APP: variants seen among roughly 807,000 people sequenced by gnomAD.
The protein encoded by APP is amyloid beta precursor protein.
Under a neutral mutation model 101.4 loss-of-function variants are expected in APP, and 31 were observed. That is an observed-to-expected ratio of 0.31 (90% CI 0.23 to 0.41). APP has a LOEUF of 0.41. Ranked by LOEUF, APP falls within the 10% of genes least tolerant of loss-of-function variation. The pLI is 1.00. For synonymous variants in APP, 366 were observed against 364.4 expected (o/e 1.00, Z -0.05); for missense variants, 839 against 1,003.7 (o/e 0.84, Z 2.22).
intron 11 of APP, among the ~76,000 whole-genome samples, chr21:25,974,206 G>T (rs2042141924): frequency 6.6e-6 from 1 of 151,966 alleles, no homozygotes; most frequent in African/African-American, 2.4e-5. Context: ...AATTCTTTCT[G>T]GTCCACTAAA....
chr21:26,118,486 T>G (rs761032131), intron 1 of APP, among the ~76,000 whole-genome samples: 2 of 152,200 alleles, frequency 1.3e-5, no homozygotes, highest in Non-Finnish European at 2.9e-5. Flanking sequence ...TAGTATGTGA[T>G]GAAATGAGCG....
chr21:26,017,974 C>A (rs192743218), intron 6 of APP, among the ~76,000 whole-genome samples: 1 of 151,956 alleles, frequency 6.6e-6, no homozygotes, highest in Non-Finnish European at 1.5e-5. Context: ...AGACAGGGTC[C>A]CACTCTGTTG....
chr21:25,937,002 T>A (rs966695504), intron 13 of APP, among the ~76,000 whole-genome samples: 22 of 152,326 alleles, frequency 1.4e-4, no homozygotes, highest in Non-Finnish European at 3.1e-4. Context: ...TTATTTCAGA[T>A]GTGACTCAGT....
intron 1 of APP, among the ~76,000 whole-genome samples, chr21:26,113,211 A>G (rs2062366245): frequency 6.6e-6 from 1 of 152,184 alleles, no homozygotes. Flanking sequence ...TGCCAAGAAG[A>G]ATTAACTTCC....
At chr21:25,954,019 T>A (rs2041205181) in intron 13 of APP, among the ~76,000 whole-genome samples, 2 of 152,222 alleles carry the variant, frequency 1.3e-5, no homozygotes, top group Non-Finnish European at 2.9e-5. Flanking sequence ...TAAACAATGA[T>A]GTGGTTCAGA....
intron 8 of APP, among the ~76,000 whole-genome samples, chr21:25,985,202 T>C (rs146920511): frequency 1.3e-5 from 2 of 152,324 alleles, no homozygotes; most frequent in African/African-American, 2.4e-5. Flanking sequence ...GAAATGAATA[T>C]GAATACTATA....
At chr21:25,960,561 G>A (rs1420915563) in intron 11 of APP, among the ~76,000 whole-genome samples, 3 of 152,072 alleles carry the variant, frequency 2.0e-5, no homozygotes, top group Non-Finnish European at 4.4e-5. Flanking sequence ...CAGTCAGTAC[G>A]GAAACAGCTG....
chr21:25,899,317 C>T (rs2038283697), intron 15 of APP, among the ~76,000 whole-genome samples: 1 of 152,284 alleles, frequency 6.6e-6, no homozygotes, highest in Middle Eastern at 3.4e-3. Context: ...AATATATCCA[C>T]AAATTTGCTG....
intron 1 of APP, among the ~76,000 whole-genome samples, chr21:26,120,986 AG>A (rs34069718): frequency 1 from 152,322 of 152,324 alleles, 76,160 homozygotes; most frequent in Non-Finnish European, 1. Context: ...TGCCACACGT[AG>A]GCTCCCGCCC....
chr21:26,131,480 A>C (rs1016620123), intron 1 of APP, among the ~76,000 whole-genome samples: 3 of 152,188 alleles, frequency 2.0e-5, no homozygotes, highest in Admixed American at 1.3e-4. Flanking sequence ...CTTTTTACTA[A>C]GCCAAAACAA....
At chr21:26,062,174 CA>C (rs2046290292) in intron 3 of APP, among the ~76,000 whole-genome samples, 1 of 151,852 alleles carries the variant, frequency 6.6e-6, no homozygotes, top group Non-Finnish European at 1.5e-5. Context: ...CACACCACTG[CA>C]CTCCAGCATG....
At chr21:25,899,249 C>A (rs2038278566) in intron 15 of APP, among the ~76,000 whole-genome samples, 1 of 152,174 alleles carries the variant, frequency 6.6e-6, no homozygotes, top group South Asian at 2.1e-4. Flanking sequence ...TTCTCTTAGC[C>A]TGCAGTTGGT....
chr21:25,887,786 G>A (rs1453816342), intron 17 of APP, among the ~76,000 whole-genome samples: 1 of 152,164 alleles, frequency 6.6e-6, no homozygotes, highest in Non-Finnish European at 1.5e-5. Flanking sequence ...AGGAGCAATA[G>A]TTGTAGGTGT....
intron 11 of APP, among the ~76,000 whole-genome samples, chr21:25,968,070 G>A (rs1568777878): frequency 6.6e-6 from 1 of 152,198 alleles, no homozygotes; most frequent in Non-Finnish European, 1.5e-5. Flanking sequence ...TGAGTGCAAA[G>A]ACACAGCTCT....
At chr21:25,947,314 TG>T (rs34082104) in intron 13 of APP, among the ~76,000 whole-genome samples, 152,312 of 152,312 alleles carry the variant, frequency 1, 76,156 homozygotes, top group Non-Finnish European at 1. Context: ...ACCACCACTA[TG>T]GGGTGAGTTC....
intron 5 of APP, among the ~76,000 whole-genome samples, chr21:26,027,683 C>T (rs975328987): frequency 4.6e-5 from 7 of 152,096 alleles, no homozygotes; most frequent in African/African-American, 7.2e-5. Context: ...GCCAGCAAGT[C>T]TCTGTGTTCT....
intron 3 of APP, among the ~76,000 whole-genome samples, chr21:26,082,535 A>T (rs1420700627): frequency 1.3e-5 from 2 of 152,364 alleles, no homozygotes; most frequent in Admixed American, 1.3e-4. Flanking sequence ...ATGAATGAAA[A>T]CAGTAATGAT....
Position 26,021,046 on chromosome 21 carries a change from C to CTT in APP, c.865+792_865+793dup, listed in dbSNP as rs144287372. Among the ~76,000 whole-genome samples the CTT allele has an allele frequency of 3.4e-3, 342 of 101,720 alleles. 5 individuals carry two copies. The highest frequency in any genetic ancestry group is 0.013 in the East Asian group (47 of 3,502). The allele number at this position is 101,720 out of a possible 152,430, so 66.7% of individuals were successfully genotyped here. A position where few individuals can be genotyped will look rare whatever the true frequency, so the allele number is the denominator to read the frequency against. The stretch of plus-strand genomic sequence containing the variant: ...TAAAATAATGCGATACTCACCAAAT[C>CTT]TTTTTTTTTTTTTTTTTTTTTGAGA... On this transcript the variant is annotated intron_variant, in intron 6 of 17. Coordinates refer to ENST00000346798, the MANE Select transcript of APP (RefSeq NM_000484.4).
At chr21:26,044,460 A>T (rs2045517319) in intron 5 of APP, among the ~76,000 whole-genome samples, 1 of 152,240 alleles carries the variant, frequency 6.6e-6, no homozygotes, top group Non-Finnish European at 1.5e-5. Context: ...GTAAAACCTT[A>T]GGCTATGAGC....
Sources: gnomAD v4.1 joint callset for allele counts (sites outside exome capture counted in the v4.1 genomes callset) on GRCh38, gnomAD v4.1.1 for gene constraint, MANE v1.5 for transcripts, NCBI Gene and HGNC (gene_info 2026-07-23, HGNC 2026-07-21) for gene names.